Variants in NMUR2 observed in about 807,000 individuals in gnomAD.
The protein encoded by NMUR2 is neuromedin U receptor 2.
Under a neutral mutation model 25.1 loss-of-function variants are expected in NMUR2, and 24 were observed. The ratio of observed to expected loss-of-function variants is 0.96; its 90% confidence interval spans 0.69 to 1.34. The LOEUF (loss-of-function observed/expected upper bound fraction) is 1.34. Among genes scored for constraint, NMUR2 ranks in the 40% most tolerant of loss-of-function variants. NMUR2 has a pLI of 0.00. For synonymous variants in NMUR2, 218 were observed against 208.1 expected (o/e 1.05, Z -0.41); for missense variants, 533 against 512.8 (o/e 1.04, Z -0.38).
intron 1 of NMUR2, 27 bp from the exon 2 acceptor site, chr5:152,398,171 T>C (rs770362120): frequency 3.1e-5 from 48 of 1,528,294 alleles, no homozygotes; most frequent in East Asian, 4.5e-5. Flanking sequence ...TTGGGAGAGA[T>C]AGTAAGAAAG....
At chr5:152,393,212 T>C (rs1753092912) in intron 3 of NMUR2, among the ~76,000 whole-genome samples, 1 of 152,212 alleles carries the variant, frequency 6.6e-6, no homozygotes, top group African/African-American at 2.4e-5. Context: ...TAATATCCTG[T>C]GGCCTTAGAC....
intron 1 of NMUR2, among the ~76,000 whole-genome samples, chr5:152,402,049 G>C (rs1055158817): frequency 6.6e-6 from 1 of 152,166 alleles, no homozygotes; most frequent in Non-Finnish European, 1.5e-5. Flanking sequence ...CATTCACTGA[G>C]CTTACAGTCT....
At position 152,404,591 on chromosome 5, in the gene NMUR2, C is replaced by T. The variant is rs985446202; in HGVS notation, c.523G>A (p.Val175Met). ...RILGIVWGFS[V>M]LFSLPNTSIH... ...CTGGTGTTGGGCAGGGAGAAGAGCA[C>T]GGAGAAGCCCCAGACGATGCCGAGG... Residue 175 changes from valine (V) to methionine (M), a missense_variant, in exon 1 of 4, where the codon GTG (valine) becomes ATG (methionine). Physicochemically the swap from Val to Met is conservative, Grantham distance 21. Transcript: ENST00000255262. 1 of 1,614,076 alleles carries T rather than the reference C, an allele frequency of 6.2e-7. No individual in the cohort carries two copies. The highest frequency in any genetic ancestry group is 1.7e-5 in the Admixed American group (1 of 60,024).
chr5:152,403,548 T>C (rs2113103872), intron 1 of NMUR2, among the ~76,000 whole-genome samples: 1 of 152,114 alleles, frequency 6.6e-6, no homozygotes, highest in Non-Finnish European at 1.5e-5. Flanking sequence ...ATTATATATG[T>C]TGCAAAATAA....
intron 1 of NMUR2, among the ~76,000 whole-genome samples, chr5:152,399,200 ATTAG>A (rs1370597240): frequency 6.6e-6 from 1 of 152,164 alleles, no homozygotes; most frequent in Non-Finnish European, 1.5e-5. Flanking sequence ...ATATCCAGAA[ATTAG>A]TATAGTACAT....
In NMUR2 at chr5:152,392,070, C is replaced by A. The variant is rs1001620970; in HGVS notation, c.*121G>T. On this transcript the variant is annotated 3_prime_UTR_variant, in exon 4 of 4. Coordinates refer to ENST00000255262, the MANE Select transcript of NMUR2 (RefSeq NM_020167.5). ...CGTTTATTAAAAAAAAAAAAACTAG[C>A]AATGGGTACATGAGTTGTAAGAGCC... is the stretch of plus-strand genomic sequence containing the variant. 4 of 807,876 alleles carry A rather than the reference C, an allele frequency of 5.0e-6. No homozygotes were observed. Among genetic ancestry groups the A allele is most frequent in the South Asian group, 2.1e-5 (1 of 47,988 alleles). 50.0% of individuals were successfully genotyped at this position (807,876 alleles called of 1,614,324 possible).
At chr5:152,402,797 C>T (rs188681427) in intron 1 of NMUR2, among the ~76,000 whole-genome samples, 4 of 152,188 alleles carry the variant, frequency 2.6e-5, no homozygotes, top group Admixed American at 6.5e-5. Flanking sequence ...TGAGCTAGTG[C>T]GGGGTGGGAC....
rs1389882306 is a variant in NMUR2, at chr5:152,405,123, A to G, written c.-10T>C. 3 of 1,596,376 alleles carry G rather than the reference A, an allele frequency of 1.9e-6. No individual in the cohort carries two copies. The highest frequency in any genetic ancestry group is 2.2e-5 in the East Asian group (1 of 44,608). On this transcript the variant is annotated 5_prime_UTR_variant, in exon 1 of 4. Coordinates refer to ENST00000255262, the MANE Select transcript of NMUR2 (RefSeq NM_020167.5). ...TTTCCATCCCTGACATTAAAATCCA[A>G]GGCCTGAGCCTCCCCTGGTACGAGG...
chr5:152,393,688 G>C (rs1486187628), intron 3 of NMUR2, among the ~76,000 whole-genome samples: 1 of 152,066 alleles, frequency 6.6e-6, no homozygotes, highest in Non-Finnish European at 1.5e-5. Flanking sequence ...GAACAAATAT[G>C]AGATAACAAA....
rs745847104 is a variant in NMUR2 at position 152,395,555 on chromosome 5, A to T, written c.841T>A (p.Trp281Arg). ...FVLVLVFAIC[W>R]APFHIDRLFF... ...AGTCGGTCAATGTGGAACGGGGCCCAACAGATAGCAAACACTAAGACCAAG... is the reference window on the plus strand; with the variant it reads ...AGTCGGTCAATGTGGAACGGGGCCCTACAGATAGCAAACACTAAGACCAAG... Residue 281 changes from tryptophan (W) to arginine (R), a missense_variant, in exon 3 of 4, where the codon TGG becomes AGG. Coordinates refer to ENST00000255262, the MANE Select transcript of NMUR2 (RefSeq NM_020167.5). 5.0e-6 allele frequency: 8 copies of T among 1,613,650 alleles called. No homozygotes were observed. Among genetic ancestry groups the T allele is most frequent in the Non-Finnish European group, 6.8e-6 (8 of 1,179,804 alleles).
Position 152,392,382 on chromosome 5 carries a change from G to T in NMUR2, c.1057C>A (p.His353Asn), listed in dbSNP as rs1190465428. Residue 353 changes from histidine (H) to asparagine (N), a missense_variant, in exon 4 of 4, where the codon CAT becomes AAT. Transcript: ENST00000255262. Reference sequence around the variant, plus strand: ...TGGGCAGGTGGCAACTGTGGGTCATGCTGGGAGTGCCACTGTTTGTGGAAA... The same window carrying T: ...TGGGCAGGTGGCAACTGTGGGTCATTCTGGGAGTGCCACTGTTTGTGGAAA... ...SSFHKQWHSQ[H>N]DPQLPPAQRN... 6.2e-7 allele frequency: 1 copy of T among 1,614,074 alleles called. No individual in the cohort carries two copies.
In NMUR2 at chr5:152,405,195, G is replaced by GA; in HGVS notation, c.-83dup. The GA allele has an allele frequency of 7.0e-7, 1 of 1,426,300 alleles. No individual in the cohort carries two copies. The highest frequency in any genetic ancestry group is 1.4e-5 in the African/African-American group (1 of 69,810). 88.4% of individuals were successfully genotyped at this position (1,426,300 alleles called of 1,614,324 possible). ...GAAAAAAAAAAAAAAAAGAAAAAAG[G>GA]AAAACAAAAAAGAGAAAGCAGTCAC... On this transcript the variant is annotated 5_prime_UTR_variant, in exon 1 of 4. Transcript: ENST00000255262.
intron 1 of NMUR2, among the ~76,000 whole-genome samples, chr5:152,403,640 C>G (rs1753295146): frequency 6.7e-6 from 1 of 149,930 alleles, no homozygotes; most frequent in Non-Finnish European, 1.5e-5. Flanking sequence ...TTCCTTATCT[C>G]TCAATCTGCA....
At chr5:152,397,094 TAGAG>T (rs1413161091) in intron 2 of NMUR2, among the ~76,000 whole-genome samples, 1 of 149,614 alleles carries the variant, frequency 6.7e-6, no homozygotes, top group Non-Finnish European at 1.5e-5. Flanking sequence ...TGTTTCTTGA[TAGAG>T]AAAGTCAAGT....
rs368768684 is a variant in NMUR2 at position 152,391,878 on chromosome 5, G to A, written c.*313C>T. The A allele has an allele frequency of 1.2e-4, 28 of 239,848 alleles. No individual in the cohort carries two copies. Among genetic ancestry groups the A allele is most frequent in the African/African-American group, 2.5e-4 (11 of 44,328 alleles). The allele number at this position is 239,848 out of a possible 1,614,324, so 14.9% of individuals were successfully genotyped here. A position where few individuals can be genotyped will look rare whatever the true frequency, so the allele number is the denominator to read the frequency against. On this transcript the variant is annotated 3_prime_UTR_variant, in exon 4 of 4. Coordinates refer to ENST00000255262, the MANE Select transcript of NMUR2 (RefSeq NM_020167.5). ...ACTCGGAACGTAGATGACTCAGGAC[G>A]AACCATTTCCATTAATGGAAATTAA...
chr5:152,397,012 G>GTTTTTTTTTTT lies in NMUR2; in HGVS notation c.811+1037_811+1047dup, dbSNP rs769998163. Among the ~76,000 whole-genome samples, 82 of 105,728 alleles carry GTTTTTTTTTTT rather than the reference G, an allele frequency of 7.8e-4. 7 individuals are homozygous for GTTTTTTTTTTT. The highest frequency in any genetic ancestry group is 1.3e-3 in the Non-Finnish European group (65 of 48,800). The allele number at this position is 105,728 out of a possible 152,430, so 69.4% of individuals were successfully genotyped here. A position where few individuals can be genotyped will look rare whatever the true frequency, so the allele number is the denominator to read the frequency against. ...TGACTTTAATATGAGTGAGCTTCAT[G>GTTTTTTTTTTT]TTTTTTTTTTTTTTTTTTTGTGAGA... is the stretch of plus-strand genomic sequence containing the variant. On this transcript the variant is annotated intron_variant, in intron 2 of 3. Transcript: ENST00000255262.
chr5:152,394,370 T>G (rs1055818792), intron 3 of NMUR2, among the ~76,000 whole-genome samples: 4 of 152,204 alleles, frequency 2.6e-5, no homozygotes, highest in Non-Finnish European at 4.4e-5. Context: ...ATATTCAGTA[T>G]AGATGTCATT....
At position 152,392,314 on chromosome 5, in the gene NMUR2, G is replaced by A. The variant is rs775681654; in HGVS notation, c.1125C>T (p.Thr375=). ...FLTECHFVEL[T]EDIGPQFPCQ... ...ATGGGAATTGGGGACCTATATCTTC[G>A]GTCAGCTCCACAAAGTGGCATTCTG... Residue 375 remains threonine, a synonymous_variant, in exon 4 of 4, where the codon ACC becomes ACT. Coordinates refer to ENST00000255262, the MANE Select transcript of NMUR2 (RefSeq NM_020167.5). 2.7e-5 allele frequency: 44 copies of A among 1,613,794 alleles called. No homozygotes were observed. The highest frequency in any genetic ancestry group is 1.6e-4 in the Middle Eastern group (1 of 6,082).
In NMUR2 at chr5:152,392,498, A is replaced by T. The variant is rs61735375; in HGVS notation, c.941T>A (p.Val314Asp). The T allele has an allele frequency of 3.7e-6, 6 of 1,608,432 alleles. No individual in the cohort carries two copies. The East Asian group carries it at 1.3e-4, about 36-fold the overall frequency. The change falls in exon 4 of 4, where the codon GTC becomes GAC. Residue 314 changes from valine (V) to aspartate (D), a missense_variant. Physicochemically the swap from Val to Asp is radical, Grantham distance 152. Transcript: ENST00000255262. The stretch of plus-strand genomic sequence containing the variant: ...GACAGCTGAGCTCAGGTAGAAGAAG[A>T]CACCTGGAATGCAGGGGATTTAAAA... The part of the protein sequence containing the change: ...VFNLVHVVSG[V>D]FFYLSSAVNP...
Sources: allele counts gnomAD v4.1 joint callset (sites outside exome capture counted in the v4.1 genomes callset), GRCh38; gene constraint gnomAD v4.1.1; transcripts MANE v1.5; gene names NCBI Gene and HGNC (gene_info 2026-07-23, HGNC 2026-07-21).